The following ANK2 variants were observed in gnomAD, a reference collection of about 807,000 sequenced individuals.
The protein encoded by ANK2 is ankyrin 2.
Under a neutral mutation model 360.5 loss-of-function variants are expected in ANK2, and 83 were observed. The observed-to-expected ratio is 0.23, with a 90% CI of 0.19 to 0.28. ANK2 has a LOEUF of 0.28. ANK2 is among the 10% of genes least tolerant of loss of function. The pLI is 1.00. For missense variants in ANK2, 4,201 were observed against 4,795.7 expected, an observed-to-expected ratio of 0.88 and a Z score of 3.66; for synonymous variants, 1,740 against 1,759.5, an observed-to-expected ratio of 0.99 and a Z score of 0.28.
chr4:112,866,313 C>A (rs2070502984), intron 1 of ANK2, among the ~76,000 whole-genome samples: 1 of 152,088 alleles, frequency 6.6e-6, no homozygotes, highest in Non-Finnish European at 1.5e-5. Context: ...AAATCTGGAT[C>A]ACAGTAGAGG....
chr4:112,870,650 C>T (rs1451782286), intron 1 of ANK2, among the ~76,000 whole-genome samples: 1 of 152,222 alleles, frequency 6.6e-6, no homozygotes, highest in Admixed American at 6.5e-5. Context: ...CACTATTCCA[C>T]TTATCTACAT....
the ANK2 span, among the ~76,000 whole-genome samples, chr4:112,772,921 T>C: frequency 1.3e-5 from 2 of 152,188 alleles, no homozygotes; most frequent in Admixed American, 6.5e-5. Flanking sequence ...ACAAGAATTA[T>C]GTGGAAGCTT....
intron 1 of ANK2, among the ~76,000 whole-genome samples, chr4:113,100,902 A>G (rs534074730): frequency 6.6e-6 from 1 of 152,282 alleles, no homozygotes; most frequent in Admixed American, 6.5e-5. Context: ...GATTCAAACT[A>G]TATAACATTT....
intron 32 of ANK2, 75 bp from the exon 33 acceptor site, chr4:113,341,613 T>C (rs2094310898): frequency 6.8e-7 from 1 of 1,469,336 alleles, no homozygotes; most frequent in Non-Finnish European, 9.5e-7. Flanking sequence ...ACTTTGATCA[T>C]ATTGAAGGAA....
In ANK2 at chr4:112,913,513, G is replaced by A. The variant is rs535766290; in HGVS notation, c.21+8999G>A. Reference sequence around the variant, plus strand: ...TTTCTTAATACTGTGTTTCTGATCAGGATTAATTTTTGAATAATACATTTT... The same window carrying A: ...TTTCTTAATACTGTGTTTCTGATCAAGATTAATTTTTGAATAATACATTTT... On this transcript the variant is annotated intron_variant, in intron 2 of 30. Transcript: ENST00000503271. 1.2e-4 allele frequency among the ~76,000 whole-genome samples: 18 copies of A among 152,176 alleles called. No individual in the cohort carries two copies. In the South Asian group the frequency reaches 2.1e-3, roughly 18 times the overall value.
intron 18 of ANK2, among the ~76,000 whole-genome samples, chr4:113,286,468 A>G (rs1353342303): frequency 6.6e-6 from 1 of 152,182 alleles, no homozygotes; most frequent in Non-Finnish European, 1.5e-5. Flanking sequence ...TACATTTTTG[A>G]AATAAGGTCA....
chr4:113,138,126 C>A (rs866871650), intron 1 of ANK2, among the ~76,000 whole-genome samples: 21 of 152,068 alleles, frequency 1.4e-4, no homozygotes, highest in African/African-American at 4.3e-4. Context: ...ATAAATAATT[C>A]TTTATACCTT....
At chr4:113,293,672 G>A (rs577399793) in intron 22 of ANK2, 134 bp downstream of exon 22, 3 of 848,124 alleles carry the variant, frequency 3.5e-6, no homozygotes, top group African/African-American at 1.7e-5. Context: ...AAGTATTGTA[G>A]CACATACATA....
At chr4:113,098,574 C>G (rs1216987902) in intron 1 of ANK2, among the ~76,000 whole-genome samples, 3 of 151,968 alleles carry the variant, frequency 2.0e-5, no homozygotes, top group Non-Finnish European at 4.4e-5. Flanking sequence ...AAGCACCAGG[C>G]TCAAATGGTT....
intron 1 of ANK2, among the ~76,000 whole-genome samples, chr4:112,848,256 T>C (rs796264294): frequency 1.3e-5 from 2 of 152,212 alleles, no homozygotes; most frequent in African/African-American, 4.8e-5. Flanking sequence ...ACCTCCTGGG[T>C]TCAAGCGATT....
chr4:112,761,041 A>T, the ANK2 span, among the ~76,000 whole-genome samples: 17 of 150,978 alleles, frequency 1.1e-4, no homozygotes, highest in African/African-American at 4.1e-4. Flanking sequence ...ACTCCTGCCC[A>T]CATGATCCGC....
rs765273107 is a variant in ANK2, at chr4:113,288,474, C to T, written c.2265C>T (p.Asn755=). 53 of 1,613,502 alleles carry T rather than the reference C, an allele frequency of 3.3e-5. 1 individual carries two copies. The highest frequency in any genetic ancestry group is 2.0e-4 in the South Asian group (18 of 91,070). The stretch of plus-strand genomic sequence containing the variant: ...TTCTGAAGCAGGGAGCAAATGTTAA[C>T]GCAAAAACCAAGGTAAAGTACTTGT... ...NFLLKQGANV[N]AKTKNGYTPL... The change falls in exon 20 of 46, where the codon AAC becomes AAT. Residue 755 remains asparagine (N), a synonymous_variant. Coordinates refer to ENST00000357077, the MANE Select transcript of ANK2 (RefSeq NM_001148.6).
chr4:113,184,071 T>TG (rs754640650), intron 2 of ANK2, among the ~76,000 whole-genome samples: 5,166 of 148,856 alleles, frequency 0.035, 148 homozygotes, highest in Non-Finnish European at 0.054. Context: ...TCAAGTGAAG[T>TG]ATGCATCACT....
At chr4:113,360,953 G>T in intron 39 of ANK2, 56 bp downstream of exon 39, 1 of 1,475,724 alleles carries the variant, frequency 6.8e-7, no homozygotes, top group Non-Finnish European at 9.4e-7. Context: ...GCATCAGTCA[G>T]GTGTCATTCA....
At chr4:113,150,565 T>G (rs924679422) in intron 1 of ANK2, among the ~76,000 whole-genome samples, 1 of 152,150 alleles carries the variant, frequency 6.6e-6, no homozygotes, top group Non-Finnish European at 1.5e-5. Context: ...ACATGCAAAC[T>G]TGGCTTGAAG....
At chr4:113,360,690 A>T in intron 38 of ANK2, 133 bp from the exon 39 acceptor site, 1 of 774,154 alleles carries the variant, frequency 1.3e-6, no homozygotes, top group Non-Finnish European at 2.3e-6. Flanking sequence ...ACACAATATG[A>T]TCTGAAATGT....
intron 1 of ANK2, among the ~76,000 whole-genome samples, chr4:113,102,166 G>T (rs921691553): frequency 2.0e-5 from 3 of 152,038 alleles, no homozygotes; most frequent in Non-Finnish European, 1.5e-5. Flanking sequence ...TATGGTTATA[G>T]ACCTGGTGAG....
chr4:112,950,758 G>A (rs1388311722), intron 2 of ANK2, among the ~76,000 whole-genome samples: 1 of 151,764 alleles, frequency 6.6e-6, no homozygotes, highest in Non-Finnish European at 1.5e-5. Context: ...TATTTCGGTA[G>A]GAAAATTTGG....
intron 1 of ANK2, among the ~76,000 whole-genome samples, chr4:113,153,740 A>G (rs1182701758): frequency 1.3e-5 from 2 of 152,212 alleles, no homozygotes; most frequent in Non-Finnish European, 2.9e-5. Context: ...CCCAAAGTGT[A>G]CTCTGTGAAC....
Sources: gnomAD v4.1 joint callset for allele counts (sites outside exome capture counted in the v4.1 genomes callset) on GRCh38, gnomAD v4.1.1 for gene constraint, MANE v1.5 for transcripts, NCBI Gene and HGNC (gene_info 2026-07-23, HGNC 2026-07-21) for gene names.